The following STX7 variants were observed in gnomAD, a reference collection of about 807,000 sequenced individuals.
The protein encoded by STX7 is syntaxin-7.
STX7 carries 34 observed loss-of-function variants against 39.6 expected under a neutral mutation model. The observed-to-expected ratio is 0.86, with a 90% CI of 0.65 to 1.14. STX7 has a LOEUF of 1.14. Ranked by LOEUF, STX7 falls within the 50% of genes most tolerant of loss-of-function variation. The pLI is 0.00. For missense variants in STX7, 284 were observed against 310.4 expected (o/e 0.92, Z 0.64); for synonymous variants, 119 against 99.1 (o/e 1.20, Z -1.19).
chr6:132,451,147 G>A lies in STX7; in HGVS notation c.*9611C>T, dbSNP rs1211229763. 1 of 150,590 alleles carries A rather than the reference G, an allele frequency of 6.6e-6. No homozygotes were observed. Among genetic ancestry groups the A allele is most frequent in the Non-Finnish European group, 1.5e-5 (1 of 67,868 alleles). 9.3% of individuals were successfully genotyped at this position (150,590 alleles called of 1,614,324 possible). ...GAGTCTCGTTCTGTTGCTCAGACTG[G>A]AGTACAGTGGTGCGATCTCAGCTCA... On this transcript the variant is annotated 3_prime_UTR_variant, in exon 10 of 10. Coordinates refer to ENST00000367941, the MANE Select transcript of STX7 (RefSeq NM_003569.3).
chr6:132,451,120 A>G lies in STX7; in HGVS notation c.*9638T>C, dbSNP rs1774127621. On this transcript the variant is annotated 3_prime_UTR_variant, in exon 10 of 10. Coordinates refer to ENST00000367941, the MANE Select transcript of STX7 (RefSeq NM_003569.3). ...TCTTTCCTTTTTTTTTTTTTTGACA[A>G]GGAGTCTCGTTCTGTTGCTCAGACT... The G allele has an allele frequency of 6.6e-6, 1 of 150,674 alleles. No individual in the cohort carries two copies. The highest frequency in any genetic ancestry group is 2.1e-4 in the South Asian group (1 of 4,782). The allele number at this position is 150,674 out of a possible 1,614,324, so 9.3% of individuals were successfully genotyped here.
At chr6:132,472,850 T>C (rs1774767211) in intron 3 of STX7, among the ~76,000 whole-genome samples, 1 of 145,690 alleles carries the variant, frequency 6.9e-6, no homozygotes, top group South Asian at 2.4e-4. Context: ...ATGCTATAGA[T>C]ACTTAAAAAA....
At chr6:132,480,601 C>A (rs896607076) in intron 2 of STX7, among the ~76,000 whole-genome samples, 5 of 152,084 alleles carry the variant, frequency 3.3e-5, no homozygotes, top group African/African-American at 7.2e-5. Context: ...ATTTGGGGTA[C>A]GCTCATACAC....
intron 2 of STX7, among the ~76,000 whole-genome samples, chr6:132,490,046 A>G (rs553432859): frequency 6.6e-6 from 1 of 152,332 alleles, no homozygotes; most frequent in South Asian, 2.1e-4. Context: ...CATTTTTCAC[A>G]TGGATCTGCT....
intron 1 of STX7, among the ~76,000 whole-genome samples, chr6:132,508,764 A>G (rs912549395): frequency 6.6e-6 from 1 of 152,122 alleles, no homozygotes; most frequent in Non-Finnish European, 1.5e-5. Context: ...CTCCAGTCTC[A>G]GCCTCCCAAA....
At position 132,457,520 on chromosome 6, in the gene STX7, T is replaced by G. The variant is rs920671199; in HGVS notation, c.*3238A>C. 2.0e-5 allele frequency: 3 copies of G among 152,222 alleles called. No homozygotes were observed. Among genetic ancestry groups the G allele is most frequent in the Non-Finnish European group, 4.4e-5 (3 of 68,040 alleles). The allele number at this position is 152,222 out of a possible 1,614,324, so 9.4% of individuals were successfully genotyped here. A position where few individuals can be genotyped will look rare whatever the true frequency, so the allele number is the denominator to read the frequency against. On this transcript the variant is annotated 3_prime_UTR_variant, in exon 10 of 10. Coordinates refer to ENST00000367941, the MANE Select transcript of STX7 (RefSeq NM_003569.3). Reference sequence around the variant, plus strand: ...AAACAGAATTTTGTCAAAGAAGCAGTACACTGTAACACTTTCAGGCTCCCA... The same window carrying G: ...AAACAGAATTTTGTCAAAGAAGCAGGACACTGTAACACTTTCAGGCTCCCA...
intron 2 of STX7, among the ~76,000 whole-genome samples, chr6:132,501,823 C>T (rs189705633): frequency 6.6e-4 from 100 of 151,946 alleles, no homozygotes; most frequent in African/African-American, 2.3e-3. Context: ...CACAGGTAGC[C>T]AGATACACTT....
At chr6:132,469,928 C>T (rs1189202385) in intron 7 of STX7, 23 bp downstream of exon 7, 5 of 1,564,686 alleles carry the variant, frequency 3.2e-6, no homozygotes, top group Non-Finnish European at 4.4e-6. Context: ...AGCAGCAGCC[C>T]AAGTCTACAA....
At chr6:132,510,167 C>G (rs1018715386) in intron 1 of STX7, among the ~76,000 whole-genome samples, 4 of 152,168 alleles carry the variant, frequency 2.6e-5, no homozygotes, top group Admixed American at 6.5e-5. Flanking sequence ...TTCTATACCC[C>G]TAAAAGGTGA....
intron 2 of STX7, among the ~76,000 whole-genome samples, chr6:132,478,046 T>C (rs746553576): frequency 1.3e-5 from 2 of 151,892 alleles, no homozygotes; most frequent in African/African-American, 4.8e-5. Context: ...CTACATAATA[T>C]ATAAGAAAGA....
In STX7 at chr6:132,470,636, T is replaced by C. The variant is rs1275374326; in HGVS notation, c.388-10A>G. On this transcript the variant is annotated splice_polypyrimidine_tract_variant and intron_variant, in intron 5 of 9. Transcript: ENST00000367941. ...CCTCAGGAAAACTGCCCTGAATAAT[T>C]TAGTAACAGGATGGAATGAGAAGGG... 6.2e-7 allele frequency: 1 copy of C among 1,604,876 alleles called. No homozygotes were observed. The highest frequency in any genetic ancestry group is 1.1e-5 in the South Asian group (1 of 90,098).
At chr6:132,482,563 A>G (rs1244014443) in intron 2 of STX7, among the ~76,000 whole-genome samples, 1 of 152,214 alleles carries the variant, frequency 6.6e-6, no homozygotes, top group Non-Finnish European at 1.5e-5. Context: ...ACTTTTTTCA[A>G]TGTGCTAAAA....
At chr6:132,506,570 A>G (rs777323251) in intron 1 of STX7, among the ~76,000 whole-genome samples, 4 of 152,178 alleles carry the variant, frequency 2.6e-5, no homozygotes, top group Non-Finnish European at 4.4e-5. Flanking sequence ...CAACAGTCAG[A>G]ATGGCTATTA....
intron 8 of STX7, among the ~76,000 whole-genome samples, chr6:132,467,930 C>G (rs1284204942): frequency 6.6e-6 from 1 of 152,150 alleles, no homozygotes; most frequent in East Asian, 1.9e-4. Flanking sequence ...CTATGTAATA[C>G]TACTAAATTC....
rs189963414 is a variant in STX7 at position 132,453,918 on chromosome 6, A to G, written c.*6840T>C. ...AACTACTATATGACCCAACTACTAT[A>G]TAACTGCTGGGCATTTGACCCAGAA... On this transcript the variant is annotated 3_prime_UTR_variant, in exon 10 of 10. Coordinates refer to ENST00000367941, the MANE Select transcript of STX7 (RefSeq NM_003569.3). 1 of 152,270 alleles carries G rather than the reference A, an allele frequency of 6.6e-6. No individual in the cohort carries two copies. The highest frequency in any genetic ancestry group is 1.9e-4 in the East Asian group (1 of 5,190). 9.4% of individuals were successfully genotyped at this position (152,270 alleles called of 1,614,324 possible).
chr6:132,472,351 G>C lies in STX7; in HGVS notation c.180C>G (p.Asn60Lys). The C allele has an allele frequency of 3.7e-6, 6 of 1,613,292 alleles. No individual in the cohort carries two copies. The highest frequency in any genetic ancestry group is 5.1e-6 in the Non-Finnish European group (6 of 1,179,752). ...ACTTATCTGTTTCTTTGGCAAGCTG[G>C]TTAGTATACTGCTGCTTCTGTTGCC... ...QQLQQKQQYTNQLAKETDKYI... is the reference protein window; with the variant it reads ...QQLQQKQQYTKQLAKETDKYI... The change falls in exon 4 of 10, where the codon AAC becomes AAG. Residue 60 changes from asparagine to lysine, a missense_variant. Coordinates refer to ENST00000367941, the MANE Select transcript of STX7 (RefSeq NM_003569.3).
chr6:132,510,015 A>G (rs1775807564), intron 1 of STX7, among the ~76,000 whole-genome samples: 3 of 152,196 alleles, frequency 2.0e-5, no homozygotes, highest in Non-Finnish European at 4.4e-5. Context: ...CTAGACCTGT[A>G]CTAACAGACT....
chr6:132,468,031 A>AT (rs1203311814), intron 8 of STX7, among the ~76,000 whole-genome samples: 5 of 152,228 alleles, frequency 3.3e-5, no homozygotes, highest in Non-Finnish European at 5.9e-5. Context: ...ACAGTTACAT[A>AT]TACCACAAGT....
At chr6:132,461,801 T>A in intron 9 of STX7, 1 of 1,511,044 alleles carries the variant, frequency 6.6e-7, no homozygotes, top group Non-Finnish European at 8.9e-7. Context: ...CATTCCTGGT[T>A]CAGTTGTAGA....
Sources: allele counts gnomAD v4.1 joint callset (sites outside exome capture counted in the v4.1 genomes callset), GRCh38; gene constraint gnomAD v4.1.1; transcripts MANE v1.5; gene names NCBI Gene and HGNC (gene_info 2026-07-23, HGNC 2026-07-21).